The following MAK variants were observed in gnomAD, a reference collection of about 807,000 sequenced individuals.
The protein encoded by MAK is male germ cell associated kinase, also known as serine/threonine-protein kinase MAK.
A neutral mutation model predicts 82.6 loss-of-function variants in MAK; 65 were observed. The observed-to-expected ratio is 0.79, with a 90% CI of 0.64 to 0.97. MAK has a LOEUF of 0.97. MAK is among the 50% of genes least tolerant of loss of function. The pLI, the probability that MAK is intolerant of heterozygous loss-of-function variation, is 0.00. For synonymous variants in MAK, 250 were observed against 274.2 expected (o/e 0.91, Z 0.87); for missense variants, 703 against 780.2 (o/e 0.90, Z 1.18).
At chr6:10,789,947 G>T (rs908623373) in intron 10 of MAK, among the ~76,000 whole-genome samples, 1 of 152,094 alleles carries the variant, frequency 6.6e-6, no homozygotes, top group Non-Finnish European at 1.5e-5. Flanking sequence ...TTGAGCCTCC[G>T]CACCCAGCCC....
At chr6:10,766,772 G>A (rs1031742762) in intron 14 of MAK, among the ~76,000 whole-genome samples, 3 of 152,176 alleles carry the variant, frequency 2.0e-5, no homozygotes, top group African/African-American at 7.2e-5. Flanking sequence ...GCTAATGGGT[G>A]TGGCTCTGAG....
intron 6 of MAK, among the ~76,000 whole-genome samples, chr6:10,805,070 C>CGGGG (rs60993333): frequency 2.0e-5 from 2 of 100,278 alleles, no homozygotes; most frequent in Admixed American, 1.1e-4. Flanking sequence ...ATGTGTGTGT[C>CGGGG]GGGGGGGGGG....
chr6:10,808,078 G>A (rs934313681), intron 6 of MAK, among the ~76,000 whole-genome samples: 1 of 151,478 alleles, frequency 6.6e-6, no homozygotes, highest in African/African-American at 2.4e-5. Context: ...AAAAAAAAAA[G>A]AAAGACATGC....
intron 1 of MAK, among the ~76,000 whole-genome samples, chr6:10,832,978 CCA>C (rs1192928943): frequency 5.9e-5 from 9 of 152,088 alleles, no homozygotes; most frequent in Admixed American, 4.6e-4. Flanking sequence ...GGAGCTAAAC[CCA>C]CAGTATCTCC....
Position 10,793,733 on chromosome 6 carries a change from CG to C in MAK, c.1144-1887del, listed in dbSNP as rs1342411934. On this transcript the variant is annotated intron_variant, in intron 9 of 14. Coordinates refer to ENST00000354489, the MANE Select transcript of MAK (RefSeq NM_001242957.3). This position sits in a 1 kb window ranked among gnomAD's most constrained non-coding sequence, Gnocchi z 4.6. ...CTTAGAGAATGCACACAGCGTCCCT[CG>C]CATATGCATGGCACTTGGAAGCTAC... Among the ~76,000 whole-genome samples the C allele has an allele frequency of 2.6e-5, 4 of 152,158 alleles. No homozygotes were observed. The highest frequency in any genetic ancestry group is 4.8e-5 in the African/African-American group (2 of 41,436).
chr6:10,790,510 A>T (rs1384080632), intron 10 of MAK, among the ~76,000 whole-genome samples: 1 of 152,216 alleles, frequency 6.6e-6, no homozygotes, highest in Non-Finnish European at 1.5e-5. Context: ...GACCTCACTT[A>T]TAAAAAGTAA....
intron 2 of MAK, among the ~76,000 whole-genome samples, chr6:10,823,508 A>G (rs1778115461): frequency 6.6e-6 from 1 of 152,108 alleles, no homozygotes; most frequent in Non-Finnish European, 1.5e-5. Context: ...GCTACTCCAC[A>G]AAATGTATTC....
chr6:10,824,525 C>T (rs568073450), intron 2 of MAK, among the ~76,000 whole-genome samples: 3 of 152,258 alleles, frequency 2.0e-5, no homozygotes, highest in Non-Finnish European at 4.4e-5. Flanking sequence ...TCCCCTTCTC[C>T]CACCGTTCCA....
chr6:10,826,210 G>A (rs949063158), intron 2 of MAK, among the ~76,000 whole-genome samples: 5 of 151,774 alleles, frequency 3.3e-5, no homozygotes, highest in East Asian at 1.9e-4. Flanking sequence ...GGCTTCATAC[G>A]TACTATTTCT....
intron 1 of MAK, among the ~76,000 whole-genome samples, chr6:10,837,476 C>G (rs1779222968): frequency 6.6e-6 from 1 of 152,226 alleles, no homozygotes; most frequent in African/African-American, 2.4e-5. Context: ...TTTCTCCCTC[C>G]CGGTCAAGCC....
Position 10,813,512 on chromosome 6 carries a change from A to G in MAK, c.358+132T>C, listed in dbSNP as rs1414114011. The G allele has an allele frequency of 6.3e-6, 4 of 639,890 alleles. No homozygotes were observed. In the Admixed American group the frequency reaches 1.1e-4, roughly 17 times the overall value. 39.6% of individuals were successfully genotyped at this position (639,890 alleles called of 1,614,324 possible). On this transcript the variant is annotated intron_variant, in intron 5 of 14. Coordinates refer to ENST00000354489, the MANE Select transcript of MAK (RefSeq NM_001242957.3). ...GATAAAGTTTTTAAATAAAAATGTC[A>G]GTGTGTATAGGCACATACTCCAGAT... is the stretch of plus-strand genomic sequence containing the variant.
chr6:10,779,697 A>T (rs1259235032), intron 11 of MAK, among the ~76,000 whole-genome samples: 2 of 151,970 alleles, frequency 1.3e-5, no homozygotes, highest in African/African-American at 4.8e-5. Flanking sequence ...AAATTTTTTT[A>T]TTTTTTGAGA....
intron 12 of MAK, among the ~76,000 whole-genome samples, chr6:10,774,187 A>G (rs1773269152): frequency 6.6e-6 from 1 of 152,176 alleles, no homozygotes; most frequent in Non-Finnish European, 1.5e-5. Flanking sequence ...TCACTCTAAA[A>G]TATGTGTAAA....
rs368220628 is a variant in MAK at position 10,775,002 on chromosome 6, G to C, written c.1597+326C>G. Among the ~76,000 whole-genome samples, 7 of 152,114 alleles carry C rather than the reference G, an allele frequency of 4.6e-5. No individual in the cohort carries two copies. The East Asian group carries it at 5.8e-4, about 13-fold the overall frequency. Reference sequence around the variant, plus strand: ...TTTTATTATTGTACTTTTTAATATAGAGGCACAGTTCCACCATGTTGGCCA... The same window carrying C: ...TTTTATTATTGTACTTTTTAATATACAGGCACAGTTCCACCATGTTGGCCA... On this transcript the variant is annotated intron_variant, in intron 12 of 14. Transcript: ENST00000354489.
intron 11 of MAK, among the ~76,000 whole-genome samples, chr6:10,779,949 A>G (rs1050641561): frequency 1.1e-3 from 161 of 152,234 alleles, no homozygotes; most frequent in African/African-American, 3.6e-3. Flanking sequence ...GGCCTCCCCA[A>G]AGTGCTGGGA....
intron 2 of MAK, among the ~76,000 whole-genome samples, chr6:10,821,413 T>A (rs1777930398): frequency 6.6e-6 from 1 of 152,122 alleles, no homozygotes. Flanking sequence ...GTAGCTGGGA[T>A]GACAGGTGTG....
At chr6:10,807,230 C>T (rs752412232) in intron 6 of MAK, among the ~76,000 whole-genome samples, 19 of 151,994 alleles carry the variant, frequency 1.3e-4, no homozygotes, top group Non-Finnish European at 2.5e-4. Context: ...CAGTCAGACC[C>T]TCCATGTAAC....
intron 5 of MAK, among the ~76,000 whole-genome samples, chr6:10,811,895 AC>A (rs1179591227): frequency 2.0e-5 from 3 of 152,288 alleles, no homozygotes; most frequent in Middle Eastern, 3.4e-3. Flanking sequence ...AATAAAAAAA[AC>A]AAAATATAAA....
At chr6:10,805,989 G>A (rs142930349) in intron 6 of MAK, among the ~76,000 whole-genome samples, 2 of 152,162 alleles carry the variant, frequency 1.3e-5, no homozygotes, top group East Asian at 1.9e-4. Flanking sequence ...GGTCACATTC[G>A]CAGGTAACCA....
Sources: allele counts gnomAD v4.1 joint callset (sites outside exome capture counted in the v4.1 genomes callset), GRCh38; gene constraint gnomAD v4.1.1; non-coding constraint Gnocchi (gnomAD v3.1); transcripts MANE v1.5; gene names NCBI Gene and HGNC (gene_info 2026-07-23, HGNC 2026-07-21).